The following CAMKMT variants were observed in gnomAD, a reference collection of about 807,000 sequenced individuals.
CAMKMT encodes the protein calmodulin-lysine N-methyltransferase.
A neutral mutation model predicts 48.0 loss-of-function variants in CAMKMT; 53 were observed. The observed-to-expected ratio is 1.10, with a 90% CI of 0.89 to 1.39. CAMKMT has a LOEUF of 1.39. Among genes scored for constraint, CAMKMT ranks in the 40% most tolerant of loss-of-function variants. CAMKMT has a pLI of 0.00. For synonymous variants in CAMKMT, 165 were observed against 152.3 expected, an observed-to-expected ratio of 1.08 and a Z score of -0.61; for missense variants, 428 against 402.7, an observed-to-expected ratio of 1.06 and a Z score of -0.54.
intron 3 of CAMKMT, among the ~76,000 whole-genome samples, chr2:44,675,773 G>C (rs935709500): frequency 6.6e-6 from 1 of 151,950 alleles, no homozygotes. Context: ...AATTTCCAGA[G>C]CTCTTTTCAT....
chr2:44,583,882 A>G (rs1362272114), intron 3 of CAMKMT, among the ~76,000 whole-genome samples: 1 of 152,238 alleles, frequency 6.6e-6, no homozygotes, highest in Non-Finnish European at 1.5e-5. Flanking sequence ...CAATGAATTT[A>G]GACAAGTGTA....
intron 3 of CAMKMT, among the ~76,000 whole-genome samples, chr2:44,656,909 T>G (rs1456152107): frequency 6.6e-6 from 1 of 152,198 alleles, no homozygotes; most frequent in African/African-American, 2.4e-5. Flanking sequence ...TTTCTGACAC[T>G]GCAAGCAGGA....
At chr2:44,698,950 A>T (rs1163634848) in intron 3 of CAMKMT, among the ~76,000 whole-genome samples, 1 of 152,228 alleles carries the variant, frequency 6.6e-6, no homozygotes, top group Non-Finnish European at 1.5e-5. Context: ...AATTGATTCC[A>T]TCTTAAGAAA....
chr2:44,528,103 G>C (rs528884718), intron 3 of CAMKMT, among the ~76,000 whole-genome samples: 31 of 152,088 alleles, frequency 2.0e-4, no homozygotes, highest in Non-Finnish European at 3.2e-4. Context: ...CAGTTGGGAA[G>C]GATGTAGTCA....
chr2:44,522,396 T>C (rs1429685163), intron 3 of CAMKMT, among the ~76,000 whole-genome samples: 1 of 152,208 alleles, frequency 6.6e-6, no homozygotes, highest in Admixed American at 6.5e-5. Context: ...TATGTTACAA[T>C]CTATCACATT....
rs373129487 is a variant in CAMKMT at position 44,600,066 on chromosome 2, A to G, written c.377-104217A>G. Among the ~76,000 whole-genome samples, 21 of 152,256 alleles carry G rather than the reference A, an allele frequency of 1.4e-4. No homozygotes were observed. In the East Asian group the frequency reaches 1.7e-3, roughly 13 times the overall value. On this transcript the variant is annotated intron_variant, in intron 3 of 10. Coordinates refer to ENST00000378494, the MANE Select transcript of CAMKMT (RefSeq NM_024766.5). ...CTTCATAAAAACCCATGTTGGTTGAATAATTTTCTTAGAAAGGCTGTTAGT... is the reference window on the plus strand; with the variant it reads ...CTTCATAAAAACCCATGTTGGTTGAGTAATTTTCTTAGAAAGGCTGTTAGT...
chr2:44,733,631 A>T (rs986326040), intron 7 of CAMKMT, among the ~76,000 whole-genome samples: 1 of 152,174 alleles, frequency 6.6e-6, no homozygotes, highest in Admixed American at 6.5e-5. Flanking sequence ...TAGGTTGCTG[A>T]AAGTTTTTAG....
chr2:44,623,743 C>T (rs1374573759), intron 3 of CAMKMT, among the ~76,000 whole-genome samples: 1 of 152,086 alleles, frequency 6.6e-6, no homozygotes, highest in Non-Finnish European at 1.5e-5. Context: ...CCACTCCAAT[C>T]AAGTTATTGT....
chr2:44,626,305 T>C (rs1672481238), intron 3 of CAMKMT, among the ~76,000 whole-genome samples: 1 of 152,184 alleles, frequency 6.6e-6, no homozygotes, highest in African/African-American at 2.4e-5. Context: ...GTTAATGGTA[T>C]TGTATTTTTA....
chr2:44,756,373 T>C (rs988720618), intron 9 of CAMKMT, among the ~76,000 whole-genome samples: 1 of 152,164 alleles, frequency 6.6e-6, no homozygotes, highest in African/African-American at 2.4e-5. Flanking sequence ...CAATTAGAGC[T>C]GGTTTTAGTG....
chr2:44,456,491 CA>C (rs1667570002), intron 3 of CAMKMT: 17 of 1,516,974 alleles, frequency 1.1e-5, no homozygotes, highest in Non-Finnish European at 1.5e-5. Context: ...AAAGAAGAAA[CA>C]AAAAGACCTT....
rs762941066 is a variant in CAMKMT, at chr2:44,707,385, C to CT, written c.493-4dup. 3.6e-3 allele frequency: 4,729 copies of CT among 1,314,064 alleles called. No individual in the cohort carries two copies. The highest frequency in any genetic ancestry group is 4.3e-3 in the East Asian group (149 of 34,574). 81.4% of individuals were successfully genotyped at this position (1,314,064 alleles called of 1,614,324 possible). Reference sequence around the variant, plus strand: ...ATTTGCTCATTGTTTGCTGTGCTCCCTTTTTTTTTTCAGGTTGCTATTTCT... The same window carrying CT: ...ATTTGCTCATTGTTTGCTGTGCTCCCTTTTTTTTTTTCAGGTTGCTATTTCT... On this transcript the variant is annotated splice_polypyrimidine_tract_variant and intron_variant, in intron 5 of 10. Transcript: ENST00000378494.
intron 3 of CAMKMT, among the ~76,000 whole-genome samples, chr2:44,421,256 T>C (rs1683919557): frequency 6.6e-6 from 1 of 152,186 alleles, no homozygotes; most frequent in Non-Finnish European, 1.5e-5. Flanking sequence ...GAAGAAAGAC[T>C]TTTGTCTTTT....
intron 3 of CAMKMT, among the ~76,000 whole-genome samples, chr2:44,455,244 A>C (rs552124089): frequency 3.3e-5 from 5 of 152,298 alleles, no homozygotes; most frequent in African/African-American, 1.2e-4. Context: ...GCCTAGAGAT[A>C]GATTTTTTTT....
chr2:44,515,103 A>G (rs559295762), intron 3 of CAMKMT, among the ~76,000 whole-genome samples: 1 of 152,348 alleles, frequency 6.6e-6, no homozygotes, highest in African/African-American at 2.4e-5. Context: ...GGGAGAAGCC[A>G]GTGGCTAGGG....
At chr2:44,737,180 A>G (rs955688313) in intron 7 of CAMKMT, among the ~76,000 whole-genome samples, 6 of 152,148 alleles carry the variant, frequency 3.9e-5, no homozygotes, top group Non-Finnish European at 8.8e-5. Flanking sequence ...GAGTGGCACA[A>G]TCACAGCTTA....
At chr2:44,425,404 A>G (rs1684214494) in intron 3 of CAMKMT, among the ~76,000 whole-genome samples, 1 of 152,210 alleles carries the variant, frequency 6.6e-6, no homozygotes, top group South Asian at 2.1e-4. Flanking sequence ...GAGAAATAGC[A>G]ATTGCAAGTT....
At chr2:44,526,736 C>G (rs1196044074) in intron 3 of CAMKMT, among the ~76,000 whole-genome samples, 4 of 152,156 alleles carry the variant, frequency 2.6e-5, no homozygotes, top group African/African-American at 9.7e-5. Flanking sequence ...TCTACTGATT[C>G]AAATGCTAAC....
chr2:44,613,967 A>T lies in CAMKMT; in HGVS notation c.377-90316A>T, dbSNP rs536853088. Among the ~76,000 whole-genome samples, 61 of 152,330 alleles carry T rather than the reference A, an allele frequency of 4.0e-4. No homozygotes were observed. In the South Asian group the frequency reaches 0.012, roughly 31 times the overall value. On this transcript the variant is annotated intron_variant, in intron 3 of 10. Coordinates refer to ENST00000378494, the MANE Select transcript of CAMKMT (RefSeq NM_024766.5). ...TAAGACAAATATTAATTAAAGGCAG[A>T]AATCATAAGCATAACTCAAGGCAGA...
Sources: gnomAD v4.1 joint callset for allele counts (sites outside exome capture counted in the v4.1 genomes callset) on GRCh38, gnomAD v4.1.1 for gene constraint, MANE v1.5 for transcripts, NCBI Gene and HGNC (gene_info 2026-07-23, HGNC 2026-07-21) for gene names.